The following UNC5D variants were observed in gnomAD, a reference collection of about 807,000 sequenced individuals.
UNC5D encodes the protein unc-5 netrin receptor D.
UNC5D carries 39 observed loss-of-function variants against 105.4 expected under a neutral mutation model. That is an observed-to-expected ratio of 0.37 (90% CI 0.29 to 0.48). The LOEUF is 0.48. Among genes scored for constraint, UNC5D ranks in the 20% least tolerant of loss-of-function variants. The pLI is 0.98. For missense variants in UNC5D, 991 were observed against 1,202.4 expected, an observed-to-expected ratio of 0.82 and a Z score of 2.60; for synonymous variants, 452 against 450.4, an observed-to-expected ratio of 1.00 and a Z score of -0.04.
chr8:35,518,508 C>T (rs568254998), intron 1 of UNC5D, among the ~76,000 whole-genome samples: 10 of 152,104 alleles, frequency 6.6e-5, no homozygotes, highest in South Asian at 2.1e-4. Flanking sequence ...GTAGATAGAT[C>T]GATGGTCCCT....
At chr8:35,432,056 A>C (rs938327201) in intron 1 of UNC5D, among the ~76,000 whole-genome samples, 1 of 152,120 alleles carries the variant, frequency 6.6e-6, no homozygotes, top group Non-Finnish European at 1.5e-5. Flanking sequence ...GGAATGGTTA[A>C]GAGTATGGCC....
intron 1 of UNC5D, among the ~76,000 whole-genome samples, chr8:35,259,832 TGGA>T (rs1328310703): frequency 2.3e-4 from 35 of 149,260 alleles, no homozygotes; most frequent in African/African-American, 8.4e-4. Flanking sequence ...GGTAAAAAGG[TGGA>T]GGAAGTGGGG....
At chr8:35,335,554 G>A (rs529231515) in intron 1 of UNC5D, among the ~76,000 whole-genome samples, 1 of 152,130 alleles carries the variant, frequency 6.6e-6, no homozygotes, top group Admixed American at 6.5e-5. Context: ...AAATTTTAGT[G>A]TTAAAATTTT....
At chr8:35,398,511 A>G (rs369649295) in intron 1 of UNC5D, among the ~76,000 whole-genome samples, 1 of 152,066 alleles carries the variant, frequency 6.6e-6, no homozygotes, top group Non-Finnish European at 1.5e-5. Flanking sequence ...AGATACTAAC[A>G]GTGCTTCTAA....
chr8:35,480,148 A>G (rs1810382341), intron 1 of UNC5D, among the ~76,000 whole-genome samples: 1 of 152,170 alleles, frequency 6.6e-6, no homozygotes, highest in African/African-American at 2.4e-5. Context: ...TGAGATACAT[A>G]ATATTGAGCA....
At chr8:35,651,967 T>C (rs1823433981) in intron 4 of UNC5D, among the ~76,000 whole-genome samples, 1 of 152,176 alleles carries the variant, frequency 6.6e-6, no homozygotes, top group Non-Finnish European at 1.5e-5. Flanking sequence ...CTTTCCTTTC[T>C]TGTGCACCCA....
chr8:35,662,060 G>A (rs1377263199), intron 4 of UNC5D, among the ~76,000 whole-genome samples: 1 of 152,120 alleles, frequency 6.6e-6, no homozygotes, highest in East Asian at 1.9e-4. Flanking sequence ...ATTTTCTGAT[G>A]CCAGGACTAA....
intron 16 of UNC5D, among the ~76,000 whole-genome samples, chr8:35,776,727 T>C (rs1162053025): frequency 6.6e-6 from 1 of 152,240 alleles, no homozygotes; most frequent in East Asian, 1.9e-4. Context: ...ACCCAGAATA[T>C]GTAGATTCTT....
In UNC5D at chr8:35,794,243, A is replaced by G. The variant is rs1314434281; in HGVS notation, c.*3680A>G. 6.6e-6 allele frequency: 1 copy of G among 152,114 alleles called. No homozygotes were observed. The highest frequency in any genetic ancestry group is 1.5e-5 in the Non-Finnish European group (1 of 68,018). The allele number at this position is 152,114 out of a possible 1,614,324, so 9.4% of individuals were successfully genotyped here. A position where few individuals can be genotyped will look rare whatever the true frequency, so the allele number is the denominator to read the frequency against. On this transcript the variant is annotated 3_prime_UTR_variant, in exon 17 of 17. Transcript: ENST00000404895. ...TGTAAATGTGTTGAGTGATATAGCT[A>G]TCAGATGTATTGAAGGCAAAGTTCT... is the stretch of plus-strand genomic sequence containing the variant.
At chr8:35,344,226 T>C (rs927150924) in intron 1 of UNC5D, among the ~76,000 whole-genome samples, 4 of 152,056 alleles carry the variant, frequency 2.6e-5, no homozygotes, top group Admixed American at 6.6e-5. Context: ...CTGAAATTGA[T>C]TTGCCGGGTA....
chr8:35,353,228 A>G (rs1049092127), intron 1 of UNC5D, among the ~76,000 whole-genome samples: 2 of 152,206 alleles, frequency 1.3e-5, no homozygotes, highest in African/African-American at 4.8e-5. Flanking sequence ...CCAGCAACTC[A>G]ATACAGAAAT....
intron 1 of UNC5D, among the ~76,000 whole-genome samples, chr8:35,509,134 A>G (rs1036644229): frequency 7.9e-5 from 12 of 152,096 alleles, no homozygotes; most frequent in Admixed American, 5.2e-4. Flanking sequence ...TTTCCCCAGT[A>G]TTTTCTACTA....
At chr8:35,630,804 G>T (rs1427848630) in intron 4 of UNC5D, among the ~76,000 whole-genome samples, 2 of 152,070 alleles carry the variant, frequency 1.3e-5, no homozygotes, top group African/African-American at 4.8e-5. Flanking sequence ...GGGGTGGGGG[G>T]GAATAGGCCA....
intron 2 of UNC5D, among the ~76,000 whole-genome samples, chr8:35,560,726 G>A (rs1174218103): frequency 1.3e-5 from 2 of 152,162 alleles, no homozygotes; most frequent in Non-Finnish European, 2.9e-5. Flanking sequence ...GGATGGTAAT[G>A]TCACTTGTGG....
Position 35,607,482 on chromosome 8 carries a change from T to A in UNC5D, c.570+11825T>A, listed in dbSNP as rs78191717. ...TGCTAGTTATTGGCAATCTTTGGTG[T>A]CCCTTGGCTTGTATACTGATATGAT... On this transcript the variant is annotated intron_variant, in intron 4 of 16. Transcript: ENST00000404895. Among the ~76,000 whole-genome samples, 1,013 of 152,258 alleles carry A rather than the reference T, an allele frequency of 6.7e-3. 14 individuals carry two copies. The highest frequency in any genetic ancestry group is 0.022 in the African/African-American group (930 of 41,552).
At chr8:35,452,981 CA>C (rs1563432974) in intron 1 of UNC5D, among the ~76,000 whole-genome samples, 1 of 151,912 alleles carries the variant, frequency 6.6e-6, no homozygotes, top group African/African-American at 2.4e-5. Flanking sequence ...GTCTAGAGTC[CA>C]AAAAAAGTTG....
chr8:35,789,161 ATATATATATAT>A (rs1802899424), intron 16 of UNC5D, among the ~76,000 whole-genome samples: 1 of 89,866 alleles, frequency 1.1e-5, no homozygotes, highest in South Asian at 3.8e-4. Flanking sequence ...ATATATATAT[ATATATATATAT>A]ATATATATAT....
chr8:35,341,075 T>G (rs952309609), intron 1 of UNC5D, among the ~76,000 whole-genome samples: 14 of 152,164 alleles, frequency 9.2e-5, no homozygotes, highest in African/African-American at 3.4e-4. Context: ...GATATTTACC[T>G]GCTCCAATAG....
intron 1 of UNC5D, among the ~76,000 whole-genome samples, chr8:35,332,308 T>C (rs1810686189): frequency 6.6e-6 from 1 of 152,196 alleles, no homozygotes; most frequent in South Asian, 2.1e-4. Flanking sequence ...GCAGAATGGG[T>C]TTATTAAAAG....
Sources: gnomAD v4.1 joint callset for allele counts (sites outside exome capture counted in the v4.1 genomes callset) on GRCh38, gnomAD v4.1.1 for gene constraint, MANE v1.5 for transcripts, NCBI Gene and HGNC (gene_info 2026-07-23, HGNC 2026-07-21) for gene names.